The following CNTN1 variants were observed in gnomAD, a reference collection of about 807,000 sequenced individuals.
CNTN1 encodes contactin 1.
In CNTN1, 38 loss-of-function variants were observed where a neutral mutation model predicts 126.4. That is an observed-to-expected ratio of 0.30 (90% CI 0.23 to 0.39). The LOEUF is 0.39. Ranked by LOEUF, CNTN1 falls within the 10% of genes least tolerant of loss-of-function variation. The pLI is 1.00. For missense variants in CNTN1, 1,009 were observed against 1,248.4 expected (o/e 0.81, Z 2.89); for synonymous variants, 413 against 422.6 (o/e 0.98, Z 0.28).
At chr12:40,972,939 A>T (rs1947564976) in intron 15 of CNTN1, among the ~76,000 whole-genome samples, 1 of 152,096 alleles carries the variant, frequency 6.6e-6, no homozygotes, top group East Asian at 1.9e-4. Flanking sequence ...TTACATATGT[A>T]TACATGTGCC....
chr12:40,745,049 A>T (rs1034569993), intron 1 of CNTN1, among the ~76,000 whole-genome samples: 1 of 152,154 alleles, frequency 6.6e-6, no homozygotes, highest in African/African-American at 2.4e-5. Flanking sequence ...TAATCTTCAT[A>T]ATCACCGTAT....
At chr12:40,847,013 G>C (rs900282183) in intron 1 of CNTN1, among the ~76,000 whole-genome samples, 1 of 152,074 alleles carries the variant, frequency 6.6e-6, no homozygotes, top group East Asian at 1.9e-4. Context: ...GGTTACGGGC[G>C]TGTGCCACCA....
At chr12:40,710,781 T>C (rs982983517) in intron 1 of CNTN1, among the ~76,000 whole-genome samples, 1 of 152,174 alleles carries the variant, frequency 6.6e-6, no homozygotes, top group African/African-American at 2.4e-5. Context: ...TTGTCCTCTA[T>C]TTCTAAAAAG....
intron 16 of CNTN1, among the ~76,000 whole-genome samples, chr12:40,987,482 C>A (rs712137): frequency 0.64 from 97,524 of 151,946 alleles, 31,448 homozygotes; most frequent in Admixed American, 0.68. Flanking sequence ...TTGTTTTCAG[C>A]GGACAAATGA....
At chr12:40,876,738 A>G (rs568433857) in intron 1 of CNTN1, among the ~76,000 whole-genome samples, 4 of 152,204 alleles carry the variant, frequency 2.6e-5, no homozygotes, top group African/African-American at 9.6e-5. Context: ...GTTTTTTCCT[A>G]CCTTCTGCAA....
At chr12:40,931,091 G>T (rs184246229) in intron 7 of CNTN1, among the ~76,000 whole-genome samples, 4 of 151,876 alleles carry the variant, frequency 2.6e-5, no homozygotes, top group Non-Finnish European at 5.9e-5. Context: ...CATTCCATTT[G>T]TTTCAATTAG....
intron 1 of CNTN1, among the ~76,000 whole-genome samples, chr12:40,882,046 TG>T (rs1327285054): frequency 6.6e-6 from 1 of 151,664 alleles, no homozygotes; most frequent in Admixed American, 6.6e-5. Context: ...GATAGGAGGA[TG>T]GGGGCTTTAA....
intron 15 of CNTN1, among the ~76,000 whole-genome samples, chr12:40,963,800 T>A (rs1297023118): frequency 6.6e-6 from 1 of 152,094 alleles, no homozygotes; most frequent in African/African-American, 2.4e-5. Flanking sequence ...AAAGTAAGTG[T>A]CTGATGCTTG....
At chr12:40,766,538 G>T (rs1213525718) in intron 1 of CNTN1, among the ~76,000 whole-genome samples, 2 of 152,010 alleles carry the variant, frequency 1.3e-5, no homozygotes, top group Non-Finnish European at 2.9e-5. Context: ...GCAAATTTTA[G>T]GTGTTACTGG....
intron 18 of CNTN1, 127 bp from the exon 19 acceptor site, chr12:41,016,555 G>T: frequency 1.4e-6 from 1 of 697,074 alleles, no homozygotes. Context: ...TTTGGAACCA[G>T]CACTAATGTA....
chr12:41,063,570 T>G (rs1162543721), intron 23 of CNTN1, among the ~76,000 whole-genome samples: 1 of 152,198 alleles, frequency 6.6e-6, no homozygotes, highest in African/African-American at 2.4e-5. Context: ...GCCCTTTCAC[T>G]GGGCAAAGTA....
chr12:40,904,079 C>T (rs1592231565), intron 1 of CNTN1, among the ~76,000 whole-genome samples: 2 of 152,092 alleles, frequency 1.3e-5, no homozygotes, highest in African/African-American at 2.4e-5. Context: ...AGTGCAGTGG[C>T]GCGATCTCGG....
At chr12:41,061,272 G>T (rs574578262) in intron 23 of CNTN1, among the ~76,000 whole-genome samples, 6 of 152,204 alleles carry the variant, frequency 3.9e-5, no homozygotes, top group Admixed American at 6.5e-5. Flanking sequence ...ATATTTCCCA[G>T]CAAATCAACT....
intron 19 of CNTN1, among the ~76,000 whole-genome samples, chr12:41,018,804 C>T (rs1036245817): frequency 6.6e-6 from 1 of 151,960 alleles, no homozygotes; most frequent in African/African-American, 2.4e-5. Flanking sequence ...TATTATCAAA[C>T]AGTGGAAAAG....
chr12:40,948,841 C>T (rs181658322), intron 14 of CNTN1, among the ~76,000 whole-genome samples: 16 of 152,326 alleles, frequency 1.1e-4, no homozygotes, highest in Admixed American at 1.0e-3. Context: ...CTGTTGGCCA[C>T]CTTTGCAATA....
At chr12:40,995,236 G>A (rs1566107857) in intron 17 of CNTN1, among the ~76,000 whole-genome samples, 1 of 152,012 alleles carries the variant, frequency 6.6e-6, no homozygotes, top group Admixed American at 6.6e-5. Context: ...ACTATATTTA[G>A]AAGTTAGGCC....
chr12:40,793,631 C>A (rs34013840), intron 1 of CNTN1, among the ~76,000 whole-genome samples: 42,067 of 151,876 alleles, frequency 0.28, 5,917 homozygotes, highest in East Asian at 0.42. Flanking sequence ...AGAGCATAAG[C>A]CAAGCTGTGT....
intron 1 of CNTN1, among the ~76,000 whole-genome samples, chr12:40,898,898 C>T (rs960241268): frequency 6.6e-6 from 1 of 152,200 alleles, no homozygotes; most frequent in Non-Finnish European, 1.5e-5. Context: ...GCAGCAGCCT[C>T]GAGCATCATA....
intron 1 of CNTN1, among the ~76,000 whole-genome samples, chr12:40,855,266 A>G (rs1293262280): frequency 6.6e-6 from 1 of 152,130 alleles, no homozygotes; most frequent in Non-Finnish European, 1.5e-5. Flanking sequence ...TCATAAGTTT[A>G]AACCGTTGCA....
Sources: allele counts gnomAD v4.1 joint callset (sites outside exome capture counted in the v4.1 genomes callset), GRCh38; gene constraint gnomAD v4.1.1; transcripts MANE v1.5; gene names NCBI Gene and HGNC (gene_info 2026-07-23, HGNC 2026-07-21).